Variants in ARID2 observed in about 807,000 individuals in gnomAD.
The protein encoded by ARID2 is AT-rich interactive domain-containing protein 2.
Under a neutral mutation model 184.6 loss-of-function variants are expected in ARID2, and 32 were observed. The observed-to-expected ratio is 0.17, with a 90% CI of 0.13 to 0.23. ARID2 has a LOEUF of 0.23. Among genes scored for constraint, ARID2 ranks in the 10% least tolerant of loss-of-function variants. The pLI, the probability that ARID2 is intolerant of heterozygous loss-of-function variation, is 1.00. For synonymous variants in ARID2, 836 were observed against 772.6 expected (o/e 1.08, Z -1.36); for missense variants, 1,696 against 2,197.6 (o/e 0.77, Z 4.56).
chr12:45,899,655 ATATATATATATATGGTTATATATGGT>A (rs1473310599), intron 20 of ARID2, among the ~76,000 whole-genome samples: 12 of 51,466 alleles, frequency 2.3e-4, no homozygotes, highest in Admixed American at 4.5e-4. Flanking sequence ...ATATTTGGTT[ATATATATATATATGGTTATATATGGT>A]TATATATATA....
chr12:45,787,714 T>C (rs1942222625), intron 3 of ARID2, among the ~76,000 whole-genome samples: 2 of 152,144 alleles, frequency 1.3e-5, no homozygotes, highest in African/African-American at 2.4e-5. Flanking sequence ...TTTAAATGAA[T>C]AGACATAAAA....
chr12:45,854,170 C>T (rs1007661506), intron 15 of ARID2, among the ~76,000 whole-genome samples: 4 of 152,184 alleles, frequency 2.6e-5, no homozygotes, highest in Non-Finnish European at 5.9e-5. Flanking sequence ...CACTGTCTCC[C>T]ATTCCCCAGA....
chr12:45,893,428 C>T lies in ARID2; in HGVS notation c.5156C>T (p.Thr1719Ile), dbSNP rs1944329389. 1 of 1,612,612 alleles carries T rather than the reference C, an allele frequency of 6.2e-7. No individual in the cohort carries two copies. The highest frequency in any genetic ancestry group is 8.5e-7 in the Non-Finnish European group (1 of 1,179,264). Reference protein sequence around the residue: ...GSQKSSTKQPTVGGTSSTPRA... With the variant: ...GSQKSSTKQPIVGGTSSTPRA... ...CTCTCTGATCAATTTAGGCAGCCAA[C>T]TGTAGGGGGCACAAGCTCAACTCCT... Residue 1719 changes from threonine to isoleucine, a missense_variant, in exon 19 of 21, where the codon ACT becomes ATT. Physicochemically the swap from Thr to Ile is moderately conservative, Grantham distance 89. Transcript: ENST00000334344.
intron 3 of ARID2, among the ~76,000 whole-genome samples, chr12:45,757,003 A>G (rs1941584234): frequency 1.3e-5 from 2 of 152,222 alleles, no homozygotes; most frequent in African/African-American, 4.8e-5. Context: ...TTGCAATGCA[A>G]GGAGTATTCA....
chr12:45,805,846 A>C (rs1331225193), intron 3 of ARID2, among the ~76,000 whole-genome samples: 1 of 152,160 alleles, frequency 6.6e-6, no homozygotes, highest in Non-Finnish European at 1.5e-5. Context: ...CCTGTATATT[A>C]GATCTTCTGA....
intron 3 of ARID2, among the ~76,000 whole-genome samples, chr12:45,773,037 A>G (rs1941907559): frequency 6.6e-6 from 1 of 152,206 alleles, no homozygotes; most frequent in Non-Finnish European, 1.5e-5. Flanking sequence ...TTACATTTAA[A>G]AAGAAATAAT....
At chr12:45,778,830 C>G (rs962044548) in intron 3 of ARID2, among the ~76,000 whole-genome samples, 1 of 151,834 alleles carries the variant, frequency 6.6e-6, no homozygotes. Flanking sequence ...TATAGAAAAT[C>G]TGGAAACATC....
At position 45,851,999 on chromosome 12, in the gene ARID2, T is replaced by G. The variant is rs909888716; in HGVS notation, c.3876T>G (p.Ser1292Arg). ...DTKENEMHVG[S>R]LLNGRKYSDS... ...AGGAAAATGAAATGCATGTGGGAAG[T>G]CTTTTAAATGGGAGAAAGTACAGTG... is the stretch of plus-strand genomic sequence containing the variant. The change falls in exon 15 of 21, where the codon AGT becomes AGG. Residue 1292 changes from serine to arginine, a missense_variant. Physicochemically the swap from Ser to Arg is moderately radical, Grantham distance 110. This residue lies in a region of ARID2 where 428 missense variants were observed against 409.1 expected (regional missense o/e 1.05). Coordinates refer to ENST00000334344, the MANE Select transcript of ARID2 (RefSeq NM_152641.4). 2 of 1,613,984 alleles carry G rather than the reference T, an allele frequency of 1.2e-6. No homozygotes were observed. Among genetic ancestry groups the G allele is most frequent in the Non-Finnish European group, 1.7e-6 (2 of 1,180,010 alleles).
At chr12:45,760,108 A>G (rs1013100421) in intron 3 of ARID2, among the ~76,000 whole-genome samples, 4 of 152,188 alleles carry the variant, frequency 2.6e-5, no homozygotes, top group African/African-American at 9.6e-5. Context: ...AAGTATTATA[A>G]TCAGAATTTT....
At chr12:45,884,922 T>C (rs917489446) in intron 16 of ARID2, among the ~76,000 whole-genome samples, 1 of 152,192 alleles carries the variant, frequency 6.6e-6, no homozygotes, top group Non-Finnish European at 1.5e-5. Context: ...GCACAGAAGC[T>C]GAGACTGGAG....
intron 3 of ARID2, among the ~76,000 whole-genome samples, chr12:45,784,311 G>A (rs1210975738): frequency 1.3e-5 from 2 of 152,094 alleles, no homozygotes; most frequent in African/African-American, 4.8e-5. Context: ...ACAAGTCACA[G>A]TATCCAGCCA....
In ARID2 at chr12:45,905,950, TTC is replaced by T. The variant is rs1555162403; in HGVS notation, c.*874_*875del. 1.7e-5 allele frequency: 4 copies of T among 229,504 alleles called. No individual in the cohort carries two copies. The highest frequency in any genetic ancestry group is 5.7e-5 in the Admixed American group (1 of 17,624). 14.2% of individuals were successfully genotyped at this position (229,504 alleles called of 1,614,324 possible). The stretch of plus-strand genomic sequence containing the variant: ...TTTTTTTTCTTTTTTCTTTTTTTTT[TTC>T]TTTTTTTTTTTGTATTATACACCTT... On this transcript the variant is annotated 3_prime_UTR_variant, in exon 21 of 21. Coordinates refer to ENST00000334344, the MANE Select transcript of ARID2 (RefSeq NM_152641.4).
At chr12:45,738,998 C>T (rs527933864) in intron 3 of ARID2, among the ~76,000 whole-genome samples, 9 of 151,360 alleles carry the variant, frequency 5.9e-5, no homozygotes, top group Admixed American at 5.3e-4. Context: ...GAGACAGTTT[C>T]GCTCTTGTTA....
Position 45,906,291 on chromosome 12 carries a change from C to G in ARID2, c.*1213C>G, listed in dbSNP as rs1240748902. 4.3e-6 allele frequency: 1 copy of G among 232,814 alleles called. No individual in the cohort carries two copies. Among genetic ancestry groups the G allele is most frequent in the Non-Finnish European group, 8.5e-6 (1 of 117,728 alleles). The allele number at this position is 232,814 out of a possible 1,614,324, so 14.4% of individuals were successfully genotyped here. ...TTATTCTTCCATTCTTAATACTGTA[C>G]CACATTCCTGCTCAGAAACTGCTCA... On this transcript the variant is annotated 3_prime_UTR_variant, in exon 21 of 21. Transcript: ENST00000334344.
intron 3 of ARID2, among the ~76,000 whole-genome samples, chr12:45,763,981 G>A (rs540445051): frequency 8.5e-5 from 13 of 152,076 alleles, no homozygotes; most frequent in Non-Finnish European, 1.9e-4. Flanking sequence ...TATTCATTGT[G>A]TGCTTGTATG....
chr12:45,872,453 C>T (rs371471770), intron 16 of ARID2, among the ~76,000 whole-genome samples: 14 of 152,118 alleles, frequency 9.2e-5, no homozygotes, highest in East Asian at 7.7e-4. Flanking sequence ...AGGACATACC[C>T]GAGACTGGGT....
rs137901545 is a variant in ARID2 at position 45,787,573 on chromosome 12, C to G, written c.285-23845C>G. 7.7e-3 allele frequency among the ~76,000 whole-genome samples: 1,166 copies of G among 151,808 alleles called. 19 individuals carry two copies. The highest frequency in any genetic ancestry group is 0.026 in the African/African-American group (1,093 of 41,386). On this transcript the variant is annotated intron_variant, in intron 3 of 20. Transcript: ENST00000334344. ...ACATATTTCAAAACATGTTGTATACCATAAATATATACAACATTTATTTGT... is the reference window on the plus strand; with the variant it reads ...ACATATTTCAAAACATGTTGTATACGATAAATATATACAACATTTATTTGT...
intron 3 of ARID2, among the ~76,000 whole-genome samples, chr12:45,759,156 A>C (rs1009350395): frequency 1.3e-5 from 2 of 152,206 alleles, no homozygotes; most frequent in South Asian, 4.1e-4. Context: ...TGTACTTTAT[A>C]GAAATTACTT....
Position 45,780,711 on chromosome 12 carries a change from C to T in ARID2, c.285-30707C>T, listed in dbSNP as rs562274031. On this transcript the variant is annotated intron_variant, in intron 3 of 20. Transcript: ENST00000334344. ...TCGGCTCACTGCAACCTCTGCCTGCCGGGTTCAAGTGATTCTCCTGCCTCA... is the reference window on the plus strand; with the variant it reads ...TCGGCTCACTGCAACCTCTGCCTGCTGGGTTCAAGTGATTCTCCTGCCTCA... 1.1e-4 allele frequency among the ~76,000 whole-genome samples: 17 copies of T among 152,118 alleles called. No homozygotes were observed. In the South Asian group the frequency reaches 2.9e-3, roughly 26 times the overall value.
Sources: allele counts gnomAD v4.1 joint callset (sites outside exome capture counted in the v4.1 genomes callset), GRCh38; gene constraint gnomAD v4.1.1; regional missense constraint gnomAD v4.1.1; transcripts MANE v1.5; gene names NCBI Gene and HGNC (gene_info 2026-07-23, HGNC 2026-07-21).